Variants in LYPLAL1 observed in about 807,000 individuals in gnomAD.
LYPLAL1 encodes lysophospholipase like 1.
Under a neutral mutation model 19.7 loss-of-function variants are expected in LYPLAL1, and 23 were observed. The ratio of observed to expected loss-of-function variants is 1.17; its 90% confidence interval spans 0.84 to 1.65. The LOEUF is 1.65. Among genes scored for constraint, LYPLAL1 ranks in the 40% most tolerant of loss-of-function variants. LYPLAL1 has a pLI of 0.00. For missense variants in LYPLAL1, 355 were observed against 279.4 expected (o/e 1.27, Z -1.93); for synonymous variants, 119 against 96.3 (o/e 1.24, Z -1.38).
At chr1:219,326,847 A>G in the LYPLAL1 span, among the ~76,000 whole-genome samples, 1 of 152,194 alleles carries the variant, frequency 6.6e-6, no homozygotes, top group African/African-American at 2.4e-5. Context: ...GAAGAAAAAG[A>G]AGAAAATAGA....
chr1:219,268,416 A>G, the LYPLAL1 span, among the ~76,000 whole-genome samples: 1 of 152,204 alleles, frequency 6.6e-6, no homozygotes, highest in Non-Finnish European at 1.5e-5. Flanking sequence ...CTAAACATGT[A>G]CCTGGTGCAT....
the LYPLAL1 span, among the ~76,000 whole-genome samples, chr1:219,252,436 T>C: frequency 1.3e-5 from 2 of 152,114 alleles, no homozygotes; most frequent in East Asian, 1.9e-4. Flanking sequence ...ATGGCTCTTA[T>C]TATTTTGAGG....
chr1:219,437,066 TAC>T, the LYPLAL1 span: 24 of 152,250 alleles, frequency 1.6e-4, no homozygotes, highest in African/African-American at 5.8e-4. Context: ...CTCTAGTGTA[TAC>T]AGAGTGGACT....
At chr1:219,191,803 A>T (rs1572176262) in intron 2 of LYPLAL1, among the ~76,000 whole-genome samples, 1 of 151,790 alleles carries the variant, frequency 6.6e-6, no homozygotes, top group East Asian at 1.9e-4. Context: ...TTAAGTTTTT[A>T]TGTACTGACT....
chr1:219,248,761 T>C, the LYPLAL1 span, among the ~76,000 whole-genome samples: 2 of 152,100 alleles, frequency 1.3e-5, no homozygotes, highest in African/African-American at 4.8e-5. Flanking sequence ...TTGAAGAGTA[T>C]TGTGATGATG....
At chr1:219,239,745 A>T in the LYPLAL1 span, among the ~76,000 whole-genome samples, 16 of 152,242 alleles carry the variant, frequency 1.1e-4, no homozygotes, top group Non-Finnish European at 1.5e-4. Flanking sequence ...GCTAGAATAC[A>T]TCACAATATT....
At chr1:219,284,393 T>C in the LYPLAL1 span, among the ~76,000 whole-genome samples, 143,856 of 152,246 alleles carry the variant, frequency 0.94, 68,202 homozygotes, top group East Asian at 1. Context: ...TAATAAGTAA[T>C]GCAAAGGAAA....
chr1:219,319,473 A>C, the LYPLAL1 span, among the ~76,000 whole-genome samples: 3 of 152,180 alleles, frequency 2.0e-5, no homozygotes, highest in East Asian at 1.9e-4. Flanking sequence ...TAATGCCCCC[A>C]AAATCCCCTA....
chr1:219,355,819 GA>G, the LYPLAL1 span, among the ~76,000 whole-genome samples: 2 of 151,282 alleles, frequency 1.3e-5, no homozygotes, highest in African/African-American at 4.9e-5. Flanking sequence ...AAAGATACCT[GA>G]AAAAAAACCT....
At chr1:219,200,766 A>G (rs982528838) in intron 3 of LYPLAL1, among the ~76,000 whole-genome samples, 1 of 152,248 alleles carries the variant, frequency 6.6e-6, no homozygotes, top group East Asian at 1.9e-4. Context: ...ACTTGATTAT[A>G]GAAGATATTA....
the LYPLAL1 span, among the ~76,000 whole-genome samples, chr1:219,368,957 C>G: frequency 2.0e-5 from 3 of 152,226 alleles, no homozygotes; most frequent in Non-Finnish European, 4.4e-5. Flanking sequence ...AGAGAGTGTT[C>G]CTTCTTTATT....
At chr1:219,221,450 T>G in the LYPLAL1 span, among the ~76,000 whole-genome samples, 8 of 152,226 alleles carry the variant, frequency 5.3e-5, no homozygotes, top group African/African-American at 1.9e-4. Flanking sequence ...TGAGCTTTTT[T>G]GGACCCTTTT....
chr1:219,194,662 C>T (rs546006844), intron 3 of LYPLAL1, among the ~76,000 whole-genome samples: 65 of 151,790 alleles, frequency 4.3e-4, no homozygotes, highest in Admixed American at 9.2e-4. Context: ...ATGCCTGGCA[C>T]AGAGCAAATA....
At chr1:219,362,356 ACTC>A in the LYPLAL1 span, among the ~76,000 whole-genome samples, 1 of 152,076 alleles carries the variant, frequency 6.6e-6, no homozygotes, top group Non-Finnish European at 1.5e-5. Flanking sequence ...ATAATAGAGT[ACTC>A]CTCTCCTTCA....
the LYPLAL1 span, among the ~76,000 whole-genome samples, chr1:219,307,758 A>G: frequency 1.3e-5 from 2 of 152,130 alleles, no homozygotes; most frequent in African/African-American, 2.4e-5. Context: ...TACTCTTCTC[A>G]TGGTAGTGAA....
chr1:219,366,561 T>C, the LYPLAL1 span, among the ~76,000 whole-genome samples: 8 of 152,348 alleles, frequency 5.3e-5, no homozygotes, highest in Middle Eastern at 6.8e-3. Context: ...ATTTGGTACA[T>C]GCCATTTTCA....
the LYPLAL1 span, among the ~76,000 whole-genome samples, chr1:219,258,538 G>T: frequency 6.6e-6 from 1 of 152,016 alleles, no homozygotes; most frequent in African/African-American, 2.4e-5. Context: ...TATATCTTTT[G>T]TAGGCATATT....
the LYPLAL1 span, among the ~76,000 whole-genome samples, chr1:219,440,709 T>C: frequency 2.0e-5 from 3 of 152,206 alleles, no homozygotes; most frequent in Middle Eastern, 3.2e-3. Context: ...GCATTTATTC[T>C]GACTTTTCTA....
the LYPLAL1 span, among the ~76,000 whole-genome samples, chr1:219,244,329 C>T: frequency 6.6e-6 from 1 of 152,104 alleles, no homozygotes; most frequent in African/African-American, 2.4e-5. Context: ...TAGAGTAGGT[C>T]TGGATGTTGG....
Sources: gnomAD v4.1 joint callset for allele counts (sites outside exome capture counted in the v4.1 genomes callset) on GRCh38, gnomAD v4.1.1 for gene constraint, MANE v1.5 for transcripts, NCBI Gene and HGNC (gene_info 2026-07-23, HGNC 2026-07-21) for gene names.